SRFBP1: variants seen among roughly 807,000 people sequenced by gnomAD.
SRFBP1 encodes serum response factor-binding protein 1.
A neutral mutation model predicts 45.5 loss-of-function variants in SRFBP1; 47 were observed. The observed-to-expected ratio is 1.03, with a 90% CI of 0.82 to 1.32. The LOEUF (loss-of-function observed/expected upper bound fraction) is 1.32, where lower values mean the gene tolerates loss of function less well. Ranked by LOEUF, SRFBP1 falls within the 40% of genes most tolerant of loss-of-function variation. SRFBP1 has a pLI of 0.00. For synonymous variants in SRFBP1, 203 were observed against 166.3 expected (o/e 1.22, Z -1.70); for missense variants, 621 against 484.6 (o/e 1.28, Z -2.64).
intron 2 of SRFBP1, among the ~76,000 whole-genome samples, chr5:122,035,175 T>A (rs1208090700): frequency 1.3e-5 from 2 of 152,120 alleles, no homozygotes; most frequent in Admixed American, 1.3e-4. Flanking sequence ...TTGTTTGTTT[T>A]TTCCAGTAGG....
rs185764575 is a variant in SRFBP1 at position 121,993,492 on chromosome 5, G to A, written c.199-1107G>A. ...GTAGAGATTTTTTGAATTTATCATA[G>A]AGGCAGTAGGCCAGAAAGATGATGA... On this transcript the variant is annotated intron_variant, in intron 3 of 7. Coordinates refer to ENST00000339397, the MANE Select transcript of SRFBP1 (RefSeq NM_152546.3). Among the ~76,000 whole-genome samples the A allele has an allele frequency of 3.9e-5, 6 of 152,210 alleles. No individual in the cohort carries two copies. In the East Asian group the frequency reaches 1.2e-3, roughly 29 times the overall value.
chr5:121,990,638 A>G (rs1322201213), intron 3 of SRFBP1, among the ~76,000 whole-genome samples: 1 of 152,210 alleles, frequency 6.6e-6, no homozygotes, highest in East Asian at 1.9e-4. Flanking sequence ...TCTGTTCAAC[A>G]TGTGTCATTG....
intron 1 of SRFBP1, among the ~76,000 whole-genome samples, chr5:121,967,910 G>T (rs920993054): frequency 2.0e-5 from 3 of 152,144 alleles, no homozygotes; most frequent in Admixed American, 2.0e-4. Flanking sequence ...TAATGTAACA[G>T]ATCTTCTTAT....
At chr5:121,999,303 T>A (rs76926053) in intron 4 of SRFBP1, among the ~76,000 whole-genome samples, 5,233 of 152,238 alleles carry the variant, frequency 0.034, 308 homozygotes, top group African/African-American at 0.12. Context: ...CAATTTTTTT[T>A]ATTTAATTCC....
intron 1 of SRFBP1, among the ~76,000 whole-genome samples, chr5:121,969,236 G>T (rs1362729410): frequency 1.3e-5 from 2 of 152,122 alleles, no homozygotes; most frequent in African/African-American, 4.8e-5. Flanking sequence ...CGTAATAAAT[G>T]CTCACATTGT....
chr5:122,016,710 C>T (rs1258200234), intron 4 of SRFBP1, among the ~76,000 whole-genome samples: 1 of 152,034 alleles, frequency 6.6e-6, no homozygotes. Flanking sequence ...TAGCAATAAC[C>T]TTCCTTCCTA....
At chr5:122,042,958 A>C (rs376569312) in intron 2 of SRFBP1, among the ~76,000 whole-genome samples, 4 of 152,216 alleles carry the variant, frequency 2.6e-5, no homozygotes, top group Admixed American at 1.3e-4. Context: ...ATTTTTGTCA[A>C]ATATTTTAAT....
intron 4 of SRFBP1, among the ~76,000 whole-genome samples, chr5:121,997,389 A>G (rs902446917): frequency 6.6e-6 from 1 of 151,558 alleles, no homozygotes; most frequent in Non-Finnish European, 1.5e-5. Context: ...ATCTTTGACA[A>G]ACCTGAGAAA....
intron 2 of SRFBP1, among the ~76,000 whole-genome samples, chr5:122,056,123 C>A (rs888992883): frequency 6.6e-6 from 1 of 152,186 alleles, no homozygotes; most frequent in African/African-American, 2.4e-5. Flanking sequence ...TTTGTCCATT[C>A]TCCCTCTCTC....
At chr5:121,964,290 C>T (rs924729233) in intron 1 of SRFBP1, among the ~76,000 whole-genome samples, 3 of 152,064 alleles carry the variant, frequency 2.0e-5, no homozygotes, top group Non-Finnish European at 2.9e-5. Flanking sequence ...TGGTTTACTG[C>T]ACCCATTAAC....
intron 4 of SRFBP1, among the ~76,000 whole-genome samples, chr5:122,008,624 G>A (rs1489172390): frequency 3.3e-5 from 5 of 152,072 alleles, no homozygotes; most frequent in Non-Finnish European, 7.4e-5. Context: ...CCTAGGTGCT[G>A]TAATCTCTCA....
intron 5 of SRFBP1, 25 bp from the exon 6 acceptor site, chr5:122,020,063 G>C: frequency 2.1e-6 from 3 of 1,437,788 alleles, no homozygotes; most frequent in Non-Finnish European, 2.8e-6. Context: ...GTGCTAAAAT[G>C]AGTGATGCAC....
intron 7 of SRFBP1, among the ~76,000 whole-genome samples, chr5:122,022,720 C>T (rs567323718): frequency 1.7e-4 from 26 of 152,268 alleles, no homozygotes; most frequent in South Asian, 4.1e-4. Context: ...TGATCCTAAA[C>T]GCTAATGCCA....
At chr5:122,035,916 G>A (rs1193782086) in intron 2 of SRFBP1, among the ~76,000 whole-genome samples, 2 of 152,174 alleles carry the variant, frequency 1.3e-5, no homozygotes, top group African/African-American at 2.4e-5. Context: ...CTTGAGGAAT[G>A]AGTAACATCT....
At chr5:122,002,770 G>A (rs1157750431) in intron 4 of SRFBP1, among the ~76,000 whole-genome samples, 1 of 152,148 alleles carries the variant, frequency 6.6e-6, no homozygotes, top group African/African-American at 2.4e-5. Flanking sequence ...TTGAATATTA[G>A]AGTCTCAAAG....
chr5:121,997,784 T>C (rs1262196808), intron 4 of SRFBP1, among the ~76,000 whole-genome samples: 2 of 151,410 alleles, frequency 1.3e-5, no homozygotes, highest in Non-Finnish European at 1.5e-5. Context: ...AGGGCTAATA[T>C]CCAGAATCTA....
At chr5:121,984,111 C>T (rs1463995139) in intron 3 of SRFBP1, among the ~76,000 whole-genome samples, 1 of 151,752 alleles carries the variant, frequency 6.6e-6, no homozygotes, top group Non-Finnish European at 1.5e-5. Flanking sequence ...TTTGCAAAAT[C>T]AGAATGCATC....
At chr5:122,077,084 C>G (rs1754660241), downstream of SRFBP1, 1 of 1,556,782 alleles carries the variant, frequency 6.4e-7, no homozygotes, top group Non-Finnish European at 8.7e-7. This position sits in a 1 kb window ranked among gnomAD's most constrained non-coding sequence, Gnocchi z 4.9. Context: ...AGGTCCCTTA[C>G]TCCTCACCCT....
intron 4 of SRFBP1, among the ~76,000 whole-genome samples, chr5:121,995,806 C>T (rs1752713544): frequency 6.6e-6 from 1 of 151,216 alleles, no homozygotes; most frequent in South Asian, 2.1e-4. Flanking sequence ...ATCAAATAGA[C>T]ACAATAAAAA....
Sources: gnomAD v4.1 joint callset for allele counts (sites outside exome capture counted in the v4.1 genomes callset) on GRCh38, gnomAD v4.1.1 for gene constraint, Gnocchi (gnomAD v3.1) non-coding constraint, MANE v1.5 for transcripts, NCBI Gene and HGNC (gene_info 2026-07-23, HGNC 2026-07-21) for gene names.